DGLUCY: variants seen among roughly 807,000 people sequenced by gnomAD.
DGLUCY encodes D-glutamate cyclase.
DGLUCY carries 58 observed loss-of-function variants against 58.5 expected under a neutral mutation model. The ratio of observed to expected loss-of-function variants is 0.99; its 90% confidence interval spans 0.80 to 1.23. DGLUCY has a LOEUF of 1.23. Ranked by LOEUF, DGLUCY falls within the 50% of genes most tolerant of loss-of-function variation. The probability of loss-of-function intolerance (pLI) is 0.00; values close to 1 mark genes in which losing one functional copy is unlikely to be tolerated. For synonymous variants in DGLUCY, 325 were observed against 314.1 expected (o/e 1.03, Z -0.37); for missense variants, 779 against 784.7 (o/e 0.99, Z 0.09).
chr14:91,188,886 T>C, intron 8 of DGLUCY, 24 bp from the exon 9 acceptor site: 3 of 1,597,608 alleles, frequency 1.9e-6, no homozygotes, highest in Non-Finnish European at 2.6e-6. Context: ...TAGTTACTTT[T>C]ACATTCTATT....
rs1339008311 is a variant in DGLUCY at position 91,066,389 on chromosome 14, A to G, written c.-82+5685A>G. Among the ~76,000 whole-genome samples, 10 of 47,774 alleles carry G rather than the reference A, an allele frequency of 2.1e-4. 1 individual carries two copies. In the South Asian group the frequency reaches 4.9e-3, roughly 23 times the overall value. The allele number at this position is 47,774 out of a possible 152,430, so 31.3% of individuals were successfully genotyped here. A position where few individuals can be genotyped will look rare whatever the true frequency, so the allele number is the denominator to read the frequency against. On this transcript the variant is annotated intron_variant, in intron 1 of 4. Coordinates refer to the DGLUCY transcript ENST00000521334. Reference sequence around the variant, plus strand: ...TGAAACCCCATCTGAAAAAAAAAAGAAAAAAAAAAAAAAAAAGAAGGAAAG... The same window carrying G: ...TGAAACCCCATCTGAAAAAAAAAAGGAAAAAAAAAAAAAAAAGAAGGAAAG...
intron 1 of DGLUCY, among the ~76,000 whole-genome samples, chr14:91,086,032 C>T (rs1409818479): frequency 6.6e-6 from 1 of 152,150 alleles, no homozygotes; most frequent in Non-Finnish European, 1.5e-5. Context: ...CTCCTGTCAG[C>T]CCCAGTGGTG....
intron 9 of DGLUCY, among the ~76,000 whole-genome samples, chr14:91,194,136 G>A (rs1017126043): frequency 3.3e-5 from 5 of 152,146 alleles, no homozygotes; most frequent in African/African-American, 7.2e-5. Flanking sequence ...AGCACTGACC[G>A]TGTGCACGAC....
At chr14:91,135,651 ATT>A (rs2046283159) in intron 1 of DGLUCY, among the ~76,000 whole-genome samples, 1 of 68,076 alleles carries the variant, frequency 1.5e-5, no homozygotes, top group African/African-American at 6.4e-5. Context: ...ACTCTGCCTC[ATT>A]AAAAAAAAAA....
intron 1 of DGLUCY, among the ~76,000 whole-genome samples, chr14:91,062,558 AATATATATATAT>A (rs1157690131): frequency 3.4e-4 from 8 of 23,692 alleles, no homozygotes; most frequent in African/African-American, 1.6e-3. Flanking sequence ...AAAAAAAAAA[AATATATATATAT>A]ATATATATAT....
upstream of DGLUCY, among the ~76,000 whole-genome samples, chr14:91,103,652 C>T (rs1263034496): frequency 3.9e-5 from 6 of 152,296 alleles, no homozygotes; most frequent in African/African-American, 1.2e-4. Flanking sequence ...AAATTCACAC[C>T]TGCTGTTTCT....
intron 2 of DGLUCY, chr14:91,158,740 A>G (rs546458694): frequency 6.6e-6 from 1 of 152,168 alleles, no homozygotes; most frequent in Admixed American, 6.5e-5. Flanking sequence ...GGCACTGGGT[A>G]TATTTGGATG....
chr14:91,225,375 T>C lies in DGLUCY; in HGVS notation c.*542T>C, dbSNP rs1888041417. 6.6e-6 allele frequency: 1 copy of C among 152,300 alleles called. No individual in the cohort carries two copies. The allele number at this position is 152,300 out of a possible 1,614,324, so 9.4% of individuals were successfully genotyped here. A position where few individuals can be genotyped will look rare whatever the true frequency, so the allele number is the denominator to read the frequency against. ...TTTAAATTGTGTACTCTTCGGAATA[T>C]CGTGATGAAATCTCACACCATCCTG... On this transcript the variant is annotated 3_prime_UTR_variant, in exon 14 of 14. Coordinates refer to ENST00000256324, the MANE Select transcript of DGLUCY (RefSeq NM_001102368.3).
Position 91,224,710 on chromosome 14 carries a change from G to A in DGLUCY, c.1743G>A (p.Val581=), listed in dbSNP as rs2140817729. 6.2e-7 allele frequency: 1 copy of A among 1,609,530 alleles called. No homozygotes were observed. ...AAGAAAAAATGCTGGGCATCTTGGT[G>A]CAGCACAAAGTCCGGAGTGGCGTCT... The part of the protein sequence containing the change: ...IKEEKMLGIL[V]QHKVRSGVSG... The change falls in exon 14 of 14, where the codon GTG becomes GTA. Residue 581 remains valine (V), a synonymous_variant. Coordinates refer to ENST00000256324, the MANE Select transcript of DGLUCY (RefSeq NM_001102368.3).
At chr14:91,167,739 A>T (rs113180655) in intron 4 of DGLUCY, 6 of 685,246 alleles carry the variant, frequency 8.8e-6, no homozygotes, top group Non-Finnish European at 1.6e-5. Flanking sequence ...AGACAGAGAT[A>T]TTGTGTCTGT....
chr14:91,062,610 T>C (rs1056600150), intron 1 of DGLUCY, among the ~76,000 whole-genome samples: 1 of 23,994 alleles, frequency 4.2e-5, no homozygotes, highest in South Asian at 2.2e-3. Context: ...TATATATATA[T>C]AAACAATCCT....
At chr14:91,202,395 G>A (rs1319687008) in intron 11 of DGLUCY, among the ~76,000 whole-genome samples, 1 of 152,182 alleles carries the variant, frequency 6.6e-6, no homozygotes, top group East Asian at 1.9e-4. Context: ...GTTTGTCATT[G>A]CATGTTTCCA....
intron 1 of DGLUCY, among the ~76,000 whole-genome samples, chr14:91,097,134 C>T (rs547239152): frequency 3.9e-5 from 6 of 152,298 alleles, no homozygotes; most frequent in Admixed American, 1.3e-4. Context: ...CAGTGGCTCA[C>T]GCCTGTAATC....
chr14:91,077,185 G>A (rs997441265), intron 1 of DGLUCY, among the ~76,000 whole-genome samples: 5 of 151,820 alleles, frequency 3.3e-5, no homozygotes, highest in Admixed American at 1.3e-4. Context: ...GGTGAAGGTC[G>A]CAGTGAGCCG....
chr14:91,064,616 CTG>C (rs2043788616), intron 1 of DGLUCY, among the ~76,000 whole-genome samples: 1 of 125,976 alleles, frequency 7.9e-6, no homozygotes, highest in Admixed American at 9.3e-5. Context: ...CAGTCAGACT[CTG>C]TCTCAAAAAA....
intron 9 of DGLUCY, among the ~76,000 whole-genome samples, chr14:91,190,410 C>T (rs928262170): frequency 2.6e-5 from 4 of 152,054 alleles, no homozygotes; most frequent in African/African-American, 7.2e-5. Flanking sequence ...ACAGTGTGTT[C>T]GAGTGATGAT....
chr14:91,121,750 T>C (rs1480975106), intron 1 of DGLUCY, among the ~76,000 whole-genome samples: 1 of 152,126 alleles, frequency 6.6e-6, no homozygotes, highest in Non-Finnish European at 1.5e-5. Flanking sequence ...ATTTTTAAAA[T>C]GCCTATAGTG....
chr14:91,178,364 A>G (rs1360858457), intron 7 of DGLUCY, among the ~76,000 whole-genome samples: 1 of 151,990 alleles, frequency 6.6e-6, no homozygotes, highest in Non-Finnish European at 1.5e-5. Context: ...GGGTCTCACT[A>G]TGTTGCCCAA....
At chr14:91,117,388 G>C (rs1437591498) in intron 1 of DGLUCY, among the ~76,000 whole-genome samples, 1 of 152,146 alleles carries the variant, frequency 6.6e-6, no homozygotes, top group African/African-American at 2.4e-5. Context: ...AGCCCAGTAA[G>C]TCTCAGCCTT....
Sources: allele counts gnomAD v4.1 joint callset (sites outside exome capture counted in the v4.1 genomes callset), GRCh38; gene constraint gnomAD v4.1.1; transcripts MANE v1.5; gene names NCBI Gene and HGNC (gene_info 2026-07-23, HGNC 2026-07-21).